The following PRKAG2 variants were observed in gnomAD, a reference collection of about 807,000 sequenced individuals.
The protein encoded by PRKAG2 is protein kinase AMP-activated non-catalytic subunit gamma 2.
In PRKAG2, 26 loss-of-function variants were observed where a neutral mutation model predicts 69.6. The observed-to-expected ratio is 0.37, with a 90% CI of 0.27 to 0.52. The LOEUF (loss-of-function observed/expected upper bound fraction) is 0.52. Ranked by LOEUF, PRKAG2 falls within the 20% of genes least tolerant of loss-of-function variation. The pLI is 0.90. For synonymous variants in PRKAG2, 293 were observed against 285.0 expected, an observed-to-expected ratio of 1.03 and a Z score of -0.28; for missense variants, 557 against 740.0, an observed-to-expected ratio of 0.75 and a Z score of 2.87.
chr7:151,827,757 A>C (rs1036080718), intron 1 of PRKAG2, among the ~76,000 whole-genome samples: 9 of 147,916 alleles, frequency 6.1e-5, no homozygotes, highest in African/African-American at 1.7e-4. Flanking sequence ...AAAAAAAAAA[A>C]AAAAAAAAAA....
intron 3 of PRKAG2, among the ~76,000 whole-genome samples, chr7:151,723,893 C>T (rs139318011): frequency 1.5e-3 from 229 of 152,278 alleles, no homozygotes; most frequent in African/African-American, 5.3e-3. Flanking sequence ...TCAGCCAACC[C>T]GCCCGTGAAG....
chr7:151,822,004 T>G (rs1463363316), intron 1 of PRKAG2, among the ~76,000 whole-genome samples: 1 of 152,212 alleles, frequency 6.6e-6, no homozygotes, highest in African/African-American at 2.4e-5. Flanking sequence ...GCCAAGGATC[T>G]GGGAGGCACC....
chr7:151,726,732 G>A (rs757690394), intron 3 of PRKAG2, among the ~76,000 whole-genome samples: 3 of 152,150 alleles, frequency 2.0e-5, no homozygotes, highest in Non-Finnish European at 2.9e-5. Context: ...AAAACCAGAC[G>A]ATGCCAATCT....
Position 151,871,624 on chromosome 7 carries a change from T to G in PRKAG2, c.114+4883A>C, listed in dbSNP as rs1207085331. On this transcript the variant is annotated intron_variant, in intron 1 of 15. Transcript: ENST00000287878. ...TACACAGCCATCAACCGAATTCAAT[T>G]GATAAATTACTTAGTAGTTCTAGGT... Among the ~76,000 whole-genome samples, 4 of 152,168 alleles carry G rather than the reference T, an allele frequency of 2.6e-5. No homozygotes were observed. In the South Asian group the frequency reaches 8.3e-4, roughly 31 times the overall value.
At chr7:151,640,804 C>T (rs1323264730) in intron 4 of PRKAG2, among the ~76,000 whole-genome samples, 1 of 152,206 alleles carries the variant, frequency 6.6e-6, no homozygotes, top group Non-Finnish European at 1.5e-5. Context: ...CTGAGTCCCA[C>T]ATTGCTCTCT....
intron 3 of PRKAG2, among the ~76,000 whole-genome samples, chr7:151,703,455 T>C (rs1409486878): frequency 6.6e-6 from 1 of 152,204 alleles, no homozygotes; most frequent in African/African-American, 2.4e-5. Flanking sequence ...GTCTTACTGA[T>C]GAGAACAACT....
At chr7:151,675,057 G>C (rs1395688561) in intron 4 of PRKAG2, 1 of 355,328 alleles carries the variant, frequency 2.8e-6, no homozygotes. Context: ...GAGTAGTTGG[G>C]ATACAGGTGC....
chr7:151,842,077 GTGATGATGGTAGTGATGGTAGGTA>G lies in PRKAG2; in HGVS notation c.114+34406_114+34429del, dbSNP rs1586704534. On this transcript the variant is annotated intron_variant, in intron 1 of 15. Transcript: ENST00000287878. ...GTAGGGATGGTAGTGATGGTAGGTA[GTGATGATGGTAGTGATGGTAGGTA>G]GGGATGGTAGTGATGGTAGGTGGGG... Among the ~76,000 whole-genome samples the G allele has an allele frequency of 6.4e-5, 9 of 140,990 alleles. No individual in the cohort carries two copies. In the South Asian group the frequency reaches 8.2e-4, roughly 13 times the overall value. 92.5% of individuals were successfully genotyped at this position (140,990 alleles called of 152,430 possible).
chr7:151,660,370 C>T (rs1830133248), intron 4 of PRKAG2, among the ~76,000 whole-genome samples: 1 of 152,164 alleles, frequency 6.6e-6, no homozygotes, highest in Non-Finnish European at 1.5e-5. Context: ...TACTAAAGTA[C>T]TGTATACTTA....
At chr7:151,708,779 C>T (rs1156671121) in intron 3 of PRKAG2, among the ~76,000 whole-genome samples, 1 of 152,220 alleles carries the variant, frequency 6.6e-6, no homozygotes, top group African/African-American at 2.4e-5. Context: ...GCAGCTGCCT[C>T]TCTGGAGTGC....
intron 1 of PRKAG2, among the ~76,000 whole-genome samples, chr7:151,795,512 G>C (rs2077452432): frequency 6.6e-6 from 1 of 152,158 alleles, no homozygotes; most frequent in East Asian, 1.9e-4. Context: ...CCATCGTGGA[G>C]TCAGTAACGG....
chr7:151,698,915 T>G (rs963890542), intron 3 of PRKAG2, among the ~76,000 whole-genome samples: 6 of 152,088 alleles, frequency 3.9e-5, no homozygotes, highest in African/African-American at 1.4e-4. Flanking sequence ...TTTGGACCAC[T>G]CCAAGCCACC....
At chr7:151,633,934 TTTA>T (rs1825295398) in intron 4 of PRKAG2, among the ~76,000 whole-genome samples, 1 of 152,212 alleles carries the variant, frequency 6.6e-6, no homozygotes, top group Non-Finnish European at 1.5e-5. Context: ...TATTTATTTA[TTTA>T]TTATTTTTTT....
At chr7:151,682,054 C>T (rs1291783126) in intron 3 of PRKAG2, among the ~76,000 whole-genome samples, 1 of 152,158 alleles carries the variant, frequency 6.6e-6, no homozygotes, top group Non-Finnish European at 1.5e-5. Flanking sequence ...TCTTCCATGC[C>T]AGCCAGGAAG....
intron 3 of PRKAG2, among the ~76,000 whole-genome samples, chr7:151,715,187 T>C (rs73484140): frequency 2.0e-5 from 3 of 149,296 alleles, no homozygotes; most frequent in Middle Eastern, 6.9e-3. Flanking sequence ...AACTAACTTT[T>C]GTATTTTTAG....
At chr7:151,729,611 C>T (rs1487153388) in intron 3 of PRKAG2, among the ~76,000 whole-genome samples, 1 of 152,114 alleles carries the variant, frequency 6.6e-6, no homozygotes, top group African/African-American at 2.4e-5. Context: ...TGATCCAGAG[C>T]CCTCCCACGG....
intron 3 of PRKAG2, among the ~76,000 whole-genome samples, chr7:151,701,081 AC>A (rs1446048416): frequency 6.6e-6 from 1 of 151,866 alleles, no homozygotes; most frequent in Non-Finnish European, 1.5e-5. Flanking sequence ...ACAAGAGTCC[AC>A]CCCCTTCCAC....
intron 5 of PRKAG2, among the ~76,000 whole-genome samples, chr7:151,608,800 T>G (rs1818102305): frequency 6.6e-6 from 1 of 150,634 alleles, no homozygotes; most frequent in Non-Finnish European, 1.5e-5. Context: ...TTATATTCCT[T>G]TATAAGATTA....
chr7:151,776,616 TC>T (rs2076363771), intron 3 of PRKAG2, among the ~76,000 whole-genome samples: 1 of 152,100 alleles, frequency 6.6e-6, no homozygotes, highest in Non-Finnish European at 1.5e-5. Flanking sequence ...CAGGTCCCGC[TC>T]CCTTCGCAGC....
Sources: allele counts gnomAD v4.1 joint callset (sites outside exome capture counted in the v4.1 genomes callset), GRCh38; gene constraint gnomAD v4.1.1; transcripts MANE v1.5; gene names NCBI Gene and HGNC (gene_info 2026-07-23, HGNC 2026-07-21).